PVT1: variants seen among roughly 807,000 people sequenced by gnomAD.
PVT1 encodes CXCR4/PVT1 fusion.
chr8:127,985,012 T>TCCTTCCTA, intron 3 of PVT1, among the ~76,000 whole-genome samples: 1 of 139,690 alleles, frequency 7.2e-6, no homozygotes. Flanking sequence ...CTTCCTTCCT[T>TCCTTCCTA]CCTTCCTTCC....
intron 3 of PVT1, among the ~76,000 whole-genome samples, chr8:127,905,700 C>G (rs1342848599): frequency 6.6e-6 from 1 of 152,132 alleles, no homozygotes; most frequent in Non-Finnish European, 1.5e-5. Flanking sequence ...CATTTCATTG[C>G]TGTAGCAACA....
intron 6 of PVT1, among the ~76,000 whole-genome samples, chr8:128,098,289 G>C (rs1385350612): frequency 6.6e-6 from 1 of 152,208 alleles, no homozygotes; most frequent in African/African-American, 2.4e-5. Context: ...AGTGCTGGAG[G>C]CTTCAGAAAT....
intron 4 of PVT1, among the ~76,000 whole-genome samples, chr8:127,993,806 C>T (rs1325114243): frequency 6.6e-6 from 1 of 152,216 alleles, no homozygotes; most frequent in Admixed American, 6.5e-5. Flanking sequence ...AAAGTGATTT[C>T]TCATCCTTTC....
intron 6 of PVT1, among the ~76,000 whole-genome samples, chr8:128,097,651 G>C (rs1814446264): frequency 6.6e-6 from 1 of 152,094 alleles, no homozygotes; most frequent in Non-Finnish European, 1.5e-5. Context: ...CAACACTGAG[G>C]CAGGTGTGAT....
intron 3 of PVT1, among the ~76,000 whole-genome samples, chr8:127,924,459 G>C (rs1424467728): frequency 6.7e-6 from 1 of 149,410 alleles, no homozygotes; most frequent in Non-Finnish European, 1.5e-5. Context: ...TCAGCCTCCC[G>C]AGTAGCTGAG....
chr8:127,831,396 G>A (rs562468866), intron 2 of PVT1, among the ~76,000 whole-genome samples: 2 of 152,088 alleles, frequency 1.3e-5, no homozygotes, highest in Non-Finnish European at 2.9e-5. Flanking sequence ...TAGATTGTGG[G>A]CGCAGAGAGT....
intron 5 of PVT1, among the ~76,000 whole-genome samples, chr8:128,092,692 T>TA (rs763926966): frequency 6.6e-6 from 1 of 152,142 alleles, no homozygotes; most frequent in East Asian, 1.9e-4. Flanking sequence ...TACAGCCAAG[T>TA]GTGGGAGAGC....
At position 127,820,955 on chromosome 8, in the gene PVT1, C is replaced by T. The variant is rs142603627; in HGVS notation, n.372+24884C>T. Among the ~76,000 whole-genome samples, 1,442 of 152,206 alleles carry T rather than the reference C, an allele frequency of 9.5e-3. 10 individuals are homozygous for T. Among genetic ancestry groups the T allele is most frequent in the South Asian group, 0.022 (105 of 4,824 alleles). On this transcript the variant is annotated intron_variant and non_coding_transcript_variant, in intron 2 of 10. Coordinates refer to ENST00000651587, the Ensembl canonical transcript of PVT1. ...AAGTCCTGGCCTCAAGTGATCCGCC[C>T]GCCTTGGTCTCCCAAAGTGTTGGGA...
At chr8:127,838,708 A>G (rs776490152) in intron 2 of PVT1, among the ~76,000 whole-genome samples, 4 of 152,190 alleles carry the variant, frequency 2.6e-5, no homozygotes, top group Non-Finnish European at 4.4e-5. Flanking sequence ...GACTCTGATG[A>G]TAGTAATAAA....
At chr8:127,928,096 T>G (rs760306419) in intron 3 of PVT1, among the ~76,000 whole-genome samples, 3 of 152,176 alleles carry the variant, frequency 2.0e-5, no homozygotes, top group Non-Finnish European at 4.4e-5. Context: ...TAGGCCCATC[T>G]GTGTACTTCC....
In PVT1 at chr8:127,935,780, G is replaced by T. The variant is rs576914730; in HGVS notation, n.782+44782G>T. Among the ~76,000 whole-genome samples, 5 of 151,644 alleles carry T rather than the reference G, an allele frequency of 3.3e-5. No homozygotes were observed. In the East Asian group the frequency reaches 9.7e-4, roughly 29 times the overall value. ...ATTTATCAAAGTCAGTTTCTCCTCC[G>T]TATGGAGCGGAGAACAGTGTCCAGC... On this transcript the variant is annotated intron_variant and non_coding_transcript_variant, in intron 3 of 10. Coordinates refer to ENST00000651587, the Ensembl canonical transcript of PVT1.
chr8:128,073,758 C>T (rs1003205027), intron 5 of PVT1, among the ~76,000 whole-genome samples: 6 of 151,980 alleles, frequency 3.9e-5, no homozygotes, highest in Non-Finnish European at 5.9e-5. Context: ...ATTTGACCTT[C>T]CTGACCATCC....
intron 4 of PVT1, among the ~76,000 whole-genome samples, chr8:128,040,432 G>A (rs890971945): frequency 2.6e-5 from 4 of 152,226 alleles, no homozygotes; most frequent in African/African-American, 7.2e-5. Context: ...ATAATCACAC[G>A]AGCCAACTCC....
intron 3 of PVT1, among the ~76,000 whole-genome samples, chr8:127,932,223 G>A (rs536198541): frequency 4.3e-4 from 66 of 152,322 alleles, no homozygotes; most frequent in Non-Finnish European, 7.9e-4. Flanking sequence ...TGGGTATAAG[G>A]TGCTCCCAGG....
chr8:127,820,907 C>T (rs1402881118), intron 2 of PVT1, among the ~76,000 whole-genome samples: 3 of 152,034 alleles, frequency 2.0e-5, no homozygotes, highest in Non-Finnish European at 4.4e-5. Flanking sequence ...TGGGGTTTTA[C>T]CATGTTGGCC....
intron 4 of PVT1, among the ~76,000 whole-genome samples, chr8:127,993,873 G>C (rs1000719487): frequency 6.6e-6 from 1 of 152,172 alleles, no homozygotes; most frequent in Non-Finnish European, 1.5e-5. Context: ...CACTGTGCAG[G>C]GTGCCTAGAA....
At chr8:127,893,533 C>T (rs1815637878) in intron 3 of PVT1, among the ~76,000 whole-genome samples, 1 of 152,214 alleles carries the variant, frequency 6.6e-6, no homozygotes, top group African/African-American at 2.4e-5. Context: ...AAGCGTGACC[C>T]ACCTTGCCCG....
chr8:127,883,797 G>A (rs1187075273), intron 2 of PVT1, among the ~76,000 whole-genome samples: 2 of 152,234 alleles, frequency 1.3e-5, no homozygotes, highest in East Asian at 3.9e-4. Context: ...GGGCAATTCC[G>A]TGTCACTGGG....
At chr8:127,880,499 T>C (rs1049476149) in intron 2 of PVT1, among the ~76,000 whole-genome samples, 1 of 150,752 alleles carries the variant, frequency 6.6e-6, no homozygotes, top group African/African-American at 2.5e-5. Context: ...GGTTTCACTG[T>C]GTTAGCCAGG....
Sources: allele counts gnomAD v4.1 joint callset (sites outside exome capture counted in the v4.1 genomes callset), GRCh38; gene constraint gnomAD v4.1.1; transcripts MANE v1.5; gene names NCBI Gene and HGNC (gene_info 2026-07-23, HGNC 2026-07-21).